NRF1: variants seen among roughly 807,000 people sequenced by gnomAD.
The protein encoded by NRF1 is alpha palindromic-binding protein.
A neutral mutation model predicts 58.5 loss-of-function variants in NRF1; 5 were observed. The ratio of observed to expected loss-of-function variants is 0.09; its 90% CI spans 0.04 to 0.18. The LOEUF (loss-of-function observed/expected upper bound fraction) is 0.18, where lower values mean the gene tolerates loss of function less well. NRF1 is among the 10% of genes least tolerant of loss of function. The pLI, the probability that NRF1 is intolerant of heterozygous loss-of-function variation, is 1.00. For missense variants in NRF1, 288 were observed against 657.7 expected, an observed-to-expected ratio of 0.44 and a Z score of 6.15; for synonymous variants, 224 against 246.7, an observed-to-expected ratio of 0.91 and a Z score of 0.86.
Position 129,657,435 on chromosome 7 carries a change from T to C in NRF1, c.84T>C (p.His28=). The C allele has an allele frequency of 1.2e-6, 2 of 1,614,064 alleles. No homozygotes were observed. The highest frequency in any genetic ancestry group is 1.7e-6 in the Non-Finnish European group (2 of 1,180,014). ...HAVAQQVQQV[H]VATYTEHSML... ...TGGCCCAGCAAGTGCAGCAGGTCCA[T>C]GTGGCTACTTACACCGAGCATAGTA... is the stretch of plus-strand genomic sequence containing the variant. Residue 28 remains histidine, a synonymous_variant, in exon 2 of 11, where the codon CAT becomes CAC. Transcript: ENST00000393232.
chr7:129,691,959 A>G (rs1333271614), intron 5 of NRF1, among the ~76,000 whole-genome samples: 1 of 151,546 alleles, frequency 6.6e-6, no homozygotes, highest in African/African-American at 2.4e-5. Context: ...GGTTGTTCCT[A>G]CTCTCCACTC....
chr7:129,631,844 A>G (rs1801056718), intron 1 of NRF1, among the ~76,000 whole-genome samples: 1 of 152,364 alleles, frequency 6.6e-6, no homozygotes, highest in Admixed American at 6.5e-5. Flanking sequence ...ACAGATTTAA[A>G]TTTGTGTTCT....
Position 129,614,314 on chromosome 7 carries a change from G to A in NRF1, c.-7+2490G>A, listed in dbSNP as rs531732630. On this transcript the variant is annotated intron_variant, in intron 1 of 10. Coordinates refer to ENST00000393232, the MANE Select transcript of NRF1 (RefSeq NM_005011.5). ...TATTTTTAGTAGAGACGGGGTTTTG[G>A]CGTGTTGGCCAGGCTGGTCTCGAAC... 7.2e-5 allele frequency among the ~76,000 whole-genome samples: 11 copies of A among 152,018 alleles called. No homozygotes were observed. In the South Asian group the frequency reaches 2.3e-3, roughly 32 times the overall value.
intron 7 of NRF1, 125 bp from the exon 8 acceptor site, chr7:129,711,350 C>A: frequency 1.6e-6 from 1 of 623,266 alleles, no homozygotes; most frequent in Non-Finnish European, 2.7e-6. Flanking sequence ...TTTTAGATTT[C>A]ACATCATAAG....
chr7:129,650,364 C>G (rs369034477), intron 1 of NRF1, among the ~76,000 whole-genome samples: 18 of 152,120 alleles, frequency 1.2e-4, no homozygotes, highest in South Asian at 2.1e-4. Context: ...TCATTTTGTG[C>G]ACTGTTGTGA....
chr7:129,715,259 A>C (rs1803160967), intron 8 of NRF1, among the ~76,000 whole-genome samples: 1 of 152,282 alleles, frequency 6.6e-6, no homozygotes, highest in Admixed American at 6.5e-5. Flanking sequence ...ATTGGCATCT[A>C]GCGGGTACAA....
intron 10 of NRF1, among the ~76,000 whole-genome samples, chr7:129,748,014 GCCTATAAT>G (rs1193163888): frequency 6.6e-6 from 1 of 152,108 alleles, no homozygotes; most frequent in African/African-American, 2.4e-5. Context: ...GGTGGCTCAT[GCCTATAAT>G]CCCAGCACTT....
chr7:129,624,889 A>G (rs1344752493), intron 1 of NRF1, among the ~76,000 whole-genome samples: 1 of 152,178 alleles, frequency 6.6e-6, no homozygotes, highest in Non-Finnish European at 1.5e-5. Context: ...TTTAGTTTAC[A>G]TATCCCTAGA....
chr7:129,678,133 G>A (rs1449050242), intron 4 of NRF1, among the ~76,000 whole-genome samples: 1 of 151,974 alleles, frequency 6.6e-6, no homozygotes, highest in South Asian at 2.1e-4. Flanking sequence ...AAACCTGGGG[G>A]CATTTTATTG....
intron 1 of NRF1, among the ~76,000 whole-genome samples, 160 bp downstream of exon 1, chr7:129,611,984 G>GC (rs1800541848): frequency 6.7e-6 from 1 of 148,736 alleles, no homozygotes; most frequent in Non-Finnish European, 1.5e-5. Context: ...CGGGCGGGGG[G>GC]CCCCGGCCCG....
At chr7:129,712,875 G>T (rs1803106319) in intron 8 of NRF1, among the ~76,000 whole-genome samples, 1 of 152,124 alleles carries the variant, frequency 6.6e-6, no homozygotes, top group Non-Finnish European at 1.5e-5. Context: ...CAGAACACTA[G>T]AACAAGATGA....
intron 8 of NRF1, 109 bp from the exon 9 acceptor site, chr7:129,717,110 T>G: frequency 9.3e-7 from 1 of 1,070,506 alleles, no homozygotes; most frequent in Non-Finnish European, 1.3e-6. Context: ...CATGTTAATT[T>G]TAAAGAGTAT....
intron 1 of NRF1, among the ~76,000 whole-genome samples, chr7:129,656,013 C>A (rs1246417746): frequency 3.9e-5 from 6 of 152,212 alleles, no homozygotes; most frequent in South Asian, 4.1e-4. Context: ...CATCGATGGT[C>A]ACTTGGGTTG....
At chr7:129,632,532 C>T (rs1304640734) in intron 1 of NRF1, among the ~76,000 whole-genome samples, 1 of 151,972 alleles carries the variant, frequency 6.6e-6, no homozygotes, top group Non-Finnish European at 1.5e-5. Context: ...ACCCCTTCCC[C>T]ATCCTAGTCC....
rs367637508 is a variant in NRF1, at chr7:129,657,541, G to A, written c.190G>A (p.Ala64Thr). 1.9e-6 allele frequency: 3 copies of A among 1,613,768 alleles called. No homozygotes were observed. The highest frequency in any genetic ancestry group is 2.5e-6 in the Non-Finnish European group (3 of 1,179,912). ...CTCAGATATACTCAACTCCACAGCAGCTGATGAGGTGACAGCTCATCTGGC... is the reference window on the plus strand; with the variant it reads ...CTCAGATATACTCAACTCCACAGCAACTGATGAGGTGACAGCTCATCTGGC... ...DDSDILNSTA[A>T]DEVTAHLAAA... Residue 64 changes from alanine (A) to threonine (T), a missense_variant, in exon 2 of 11, where the codon GCT becomes ACT. Transcript: ENST00000393232.
intron 1 of NRF1, among the ~76,000 whole-genome samples, chr7:129,622,645 C>G (rs1247972464): frequency 6.6e-6 from 1 of 150,380 alleles, no homozygotes; most frequent in Non-Finnish European, 1.5e-5. Flanking sequence ...TCTTGGCTCA[C>G]TGCAACCTCT....
chr7:129,697,738 T>TTTGTTC (rs1376843137), intron 5 of NRF1, among the ~76,000 whole-genome samples: 3 of 151,786 alleles, frequency 2.0e-5, no homozygotes, highest in African/African-American at 4.8e-5. Flanking sequence ...TTTTTTTGTT[T>TTTGTTC]TTGTTTTTGT....
chr7:129,738,651 T>C (rs1325514434), intron 10 of NRF1, among the ~76,000 whole-genome samples: 1 of 152,224 alleles, frequency 6.6e-6, no homozygotes, highest in Non-Finnish European at 1.5e-5. Context: ...CATTTTGTTT[T>C]TTTACTACTG....
rs1276946214 is a variant in NRF1, at chr7:129,619,394, GTGTATATATATATATATATA to G, written c.-7+7572_-7+7591del. On this transcript the variant is annotated intron_variant, in intron 1 of 10. Coordinates refer to ENST00000393232, the MANE Select transcript of NRF1 (RefSeq NM_005011.5). ...GGGATAAAAACTGGACTTGGCATAC[GTGTATATATATATATATATA>G]TATATATATATATATATATACACAC... Among the ~76,000 whole-genome samples the G allele has an allele frequency of 1.5e-4, 7 of 46,630 alleles. No homozygotes were observed. The South Asian group carries it at 4.1e-3, about 27-fold the overall frequency. 30.6% of individuals were successfully genotyped at this position (46,630 alleles called of 152,430 possible). A position where few individuals can be genotyped will look rare whatever the true frequency, so the allele number is the denominator to read the frequency against.
Sources: gnomAD v4.1 joint callset for allele counts (sites outside exome capture counted in the v4.1 genomes callset) on GRCh38, gnomAD v4.1.1 for gene constraint, MANE v1.5 for transcripts, NCBI Gene and HGNC (gene_info 2026-07-23, HGNC 2026-07-21) for gene names.